The following NOL4 variants were observed in gnomAD, a reference collection of about 807,000 sequenced individuals.
NOL4 encodes the protein nucleolar protein 4, also known as cancer/testis antigen 125.
A neutral mutation model predicts 75.9 loss-of-function variants in NOL4; 17 were observed. The ratio of observed to expected loss-of-function variants is 0.22; its 90% CI spans 0.15 to 0.34. NOL4 has a LOEUF of 0.34. Ranked by LOEUF, NOL4 falls within the 10% of genes least tolerant of loss-of-function variation. The pLI, the probability that NOL4 is intolerant of heterozygous loss-of-function variation, is 1.00. For missense variants in NOL4, 614 were observed against 793.5 expected (o/e 0.77, Z 2.72); for synonymous variants, 292 against 289.9 (o/e 1.01, Z -0.07).
chr18:34,187,124 C>A (rs1305268405), intron 1 of NOL4, among the ~76,000 whole-genome samples: 2 of 152,068 alleles, frequency 1.3e-5, no homozygotes, highest in Non-Finnish European at 2.9e-5. Context: ...CATGTATCCA[C>A]CATTGTAATA....
intron 5 of NOL4, among the ~76,000 whole-genome samples, chr18:34,053,494 T>C (rs779617191): frequency 2.0e-5 from 3 of 151,962 alleles, no homozygotes; most frequent in Non-Finnish European, 2.9e-5. Context: ...AAACCCAGCA[T>C]CAAGCCAGTT....
intron 1 of NOL4, among the ~76,000 whole-genome samples, chr18:34,154,146 T>C (rs2029895847): frequency 6.6e-6 from 1 of 151,880 alleles, no homozygotes; most frequent in African/African-American, 2.4e-5. Flanking sequence ...CATGCAAAGA[T>C]GTAAGAGGAA....
intron 1 of NOL4, among the ~76,000 whole-genome samples, chr18:34,200,257 G>C (rs1310569630): frequency 6.6e-6 from 1 of 151,740 alleles, no homozygotes; most frequent in Non-Finnish European, 1.5e-5. Context: ...TTCATTGGCT[G>C]TTCTTCCTGT....
In NOL4 at chr18:34,223,808, C is replaced by T. The variant is rs2146664487; in HGVS notation, c.-555G>A. The T allele has an allele frequency of 6.5e-6, 1 of 154,982 alleles. No homozygotes were observed. Among genetic ancestry groups the T allele is most frequent in the East Asian group, 1.9e-4 (1 of 5,196 alleles). 9.6% of individuals were successfully genotyped at this position (154,982 alleles called of 1,614,324 possible). ...GCCGCCCGCCCAGCGCCTTTGAGCC[C>T]CGAAGGGCACACGGGTCCCGGATCT... On this transcript the variant is annotated 5_prime_UTR_variant, in exon 1 of 11. Coordinates refer to ENST00000261592, the MANE Select transcript of NOL4 (RefSeq NM_003787.5).
intron 1 of NOL4, among the ~76,000 whole-genome samples, chr18:34,201,922 A>C (rs980006180): frequency 1.3e-5 from 2 of 151,802 alleles, no homozygotes; most frequent in African/African-American, 4.8e-5. Context: ...TTTCATATAC[A>C]TCTAGATCTA....
chr18:34,111,275 T>C (rs1279606015), intron 2 of NOL4, among the ~76,000 whole-genome samples: 1 of 152,174 alleles, frequency 6.6e-6, no homozygotes, highest in Admixed American at 6.5e-5. Context: ...CAAAAACATA[T>C]AAAGAACTCA....
intron 2 of NOL4, among the ~76,000 whole-genome samples, chr18:34,106,405 G>T (rs1467556012): frequency 6.6e-6 from 1 of 151,948 alleles, no homozygotes; most frequent in Admixed American, 6.6e-5. Context: ...TAAGGGAAAA[G>T]AAGCCATAAG....
At chr18:33,900,341 A>G (rs896717713) in intron 9 of NOL4, among the ~76,000 whole-genome samples, 1 of 152,106 alleles carries the variant, frequency 6.6e-6, no homozygotes, top group Non-Finnish European at 1.5e-5. Context: ...CCCATGACCC[A>G]AACACCTCCC....
intron 1 of NOL4, chr18:34,222,592 G>T (rs1256238681): frequency 2.2e-6 from 1 of 459,770 alleles, no homozygotes; most frequent in Non-Finnish European, 2.9e-6. Flanking sequence ...GTGCGGCCGG[G>T]CTTCCAGCCT....
chr18:34,214,196 G>T (rs1181159294), intron 1 of NOL4, among the ~76,000 whole-genome samples: 1 of 152,046 alleles, frequency 6.6e-6, no homozygotes, highest in Non-Finnish European at 1.5e-5. Flanking sequence ...ATTCAAATTG[G>T]TATGTGTACA....
At chr18:33,991,154 A>G (rs2146108289) in intron 6 of NOL4, among the ~76,000 whole-genome samples, 1 of 151,914 alleles carries the variant, frequency 6.6e-6, no homozygotes, top group African/African-American at 2.4e-5. Flanking sequence ...GATATCCACA[A>G]CTAGCTTACC....
rs182996009 is a variant in NOL4 at position 33,922,948 on chromosome 18, G to A, written c.1542+20117C>T. ...ATATATACATCCTTTTGTAATTATT[G>A]AAATTCTGTTTAAAAACTATAGAGT... On this transcript the variant is annotated intron_variant, in intron 9 of 10. Transcript: ENST00000261592. Among the ~76,000 whole-genome samples, 37 of 152,010 alleles carry A rather than the reference G, an allele frequency of 2.4e-4. No homozygotes were observed. In the East Asian group the frequency reaches 6.6e-3, roughly 27 times the overall value.
intron 3 of NOL4, among the ~76,000 whole-genome samples, chr18:34,104,784 T>G (rs1188532081): frequency 6.6e-6 from 1 of 151,954 alleles, no homozygotes; most frequent in Non-Finnish European, 1.5e-5. Flanking sequence ...TAAAATAGCA[T>G]GAAATACATA....
chr18:34,049,072 GCGCACA>G (rs375784502), intron 5 of NOL4, among the ~76,000 whole-genome samples: 12,593 of 125,962 alleles, frequency 0.1, 654 homozygotes, highest in Admixed American at 0.16. Context: ...ATACAGGCGC[GCGCACA>G]CACACACACA....
intron 6 of NOL4, among the ~76,000 whole-genome samples, chr18:34,002,643 C>G (rs923678819): frequency 6.6e-6 from 1 of 152,068 alleles, no homozygotes. Context: ...CAGTACTTGG[C>G]TCACAGGAGA....
chr18:34,090,070 GAGT>G (rs1259521944), intron 5 of NOL4, among the ~76,000 whole-genome samples: 1 of 152,080 alleles, frequency 6.6e-6, no homozygotes, highest in Non-Finnish European at 1.5e-5. Flanking sequence ...AAAATTTTCT[GAGT>G]ATGTATATGG....
In NOL4 at chr18:34,010,513, T is replaced by C. The variant is rs529574727; in HGVS notation, c.1056+8805A>G. On this transcript the variant is annotated intron_variant, in intron 6 of 10. Coordinates refer to ENST00000261592, the MANE Select transcript of NOL4 (RefSeq NM_003787.5). ...CCAATTTCCTTTAGAAATATATCTA[T>C]AACATACAATTTATAAAAATACGAT... 1.7e-3 allele frequency among the ~76,000 whole-genome samples: 252 copies of C among 152,034 alleles called. 1 individual carries two copies. Among genetic ancestry groups the C allele is most frequent in the African/African-American group, 5.8e-3 (239 of 41,524 alleles).
At chr18:34,049,282 G>T (rs150686017) in intron 5 of NOL4, among the ~76,000 whole-genome samples, 2 of 151,072 alleles carry the variant, frequency 1.3e-5, no homozygotes, top group Non-Finnish European at 2.9e-5. Flanking sequence ...AATTATAACC[G>T]GAATTTAAGT....
intron 5 of NOL4, among the ~76,000 whole-genome samples, chr18:34,072,256 A>C (rs1359483414): frequency 6.6e-6 from 1 of 152,086 alleles, no homozygotes. Context: ...AGATAAAATG[A>C]CAGACAAAGG....
Sources: allele counts gnomAD v4.1 joint callset (sites outside exome capture counted in the v4.1 genomes callset), GRCh38; gene constraint gnomAD v4.1.1; transcripts MANE v1.5; gene names NCBI Gene and HGNC (gene_info 2026-07-23, HGNC 2026-07-21).